The following ITSN2 variants were observed in gnomAD, a reference collection of about 807,000 sequenced individuals.
ITSN2 encodes intersectin 2.
ITSN2 carries 156 observed loss-of-function variants against 243.7 expected under a neutral mutation model. The observed-to-expected ratio is 0.64, with a 90% CI of 0.56 to 0.73. ITSN2 has a LOEUF of 0.73. ITSN2 is among the 30% of genes least tolerant of loss of function. The pLI is 0.00. For synonymous variants in ITSN2, 703 were observed against 699.9 expected (o/e 1.00, Z -0.07); for missense variants, 1,801 against 1,996.1 (o/e 0.90, Z 1.86).
intron 1 of ITSN2, chr2:24,330,260 A>C (rs1243573135): frequency 2.8e-6 from 1 of 358,154 alleles, no homozygotes; most frequent in Non-Finnish European, 5.4e-6. Context: ...GTTCGTCATC[A>C]CGTATTCTGT....
intron 1 of ITSN2, among the ~76,000 whole-genome samples, chr2:24,349,959 T>C (rs1257286236): frequency 6.6e-6 from 1 of 152,204 alleles, no homozygotes; most frequent in Non-Finnish European, 1.5e-5. Context: ...TGGGCATGCA[T>C]AGTACTAATT....
chr2:24,334,425 A>G (rs951476904), intron 1 of ITSN2: 13 of 473,370 alleles, frequency 2.7e-5, no homozygotes, highest in South Asian at 2.3e-4. Context: ...CCCTTGGCCC[A>G]GCCAAGGTTA....
chr2:24,216,424 G>A (rs1669958690), intron 31 of ITSN2, 192 bp from the exon 32 acceptor site: 3 of 443,476 alleles, frequency 6.8e-6, no homozygotes, highest in South Asian at 1.3e-4. Context: ...CAACCGGGGT[G>A]TGATGTCAGC....
Position 24,257,988 on chromosome 2 carries a change from G to C in ITSN2, c.2788C>G (p.Gln930Glu). ...TCCCCAAACCACCAATTTTCTTGCT[G>C]CTCCAAGACAGTAATAATGTCATGT... ...SKHDIITVLE[Q>E]QENWWFGEVH... Residue 930 changes from glutamine (Q) to glutamate (E), a missense_variant, in exon 23 of 40, where the codon CAG becomes GAG. By Grantham distance (29) the Gln-to-Glu change is conservative. This residue lies in a region of ITSN2 where 928 missense variants were observed against 1,065.4 expected (regional missense o/e 0.87). Transcript: ENST00000355123. 6.2e-7 allele frequency: 1 copy of C among 1,613,906 alleles called. No homozygotes were observed. The highest frequency in any genetic ancestry group is 8.5e-7 in the Non-Finnish European group (1 of 1,179,864).
At chr2:24,341,676 C>G (rs913836430) in intron 1 of ITSN2, among the ~76,000 whole-genome samples, 32 of 151,988 alleles carry the variant, frequency 2.1e-4, no homozygotes, top group Non-Finnish European at 4.4e-5. Flanking sequence ...GTCAGGAGAC[C>G]GGTCTCACGG....
At chr2:24,333,058 T>C (rs1025617817) in intron 1 of ITSN2, among the ~76,000 whole-genome samples, 32 of 152,224 alleles carry the variant, frequency 2.1e-4, no homozygotes, top group Non-Finnish European at 1.5e-4. Context: ...CAGATGATAC[T>C]GTACTCATTT....
chr2:24,332,804 G>C (rs952636984), intron 1 of ITSN2, among the ~76,000 whole-genome samples: 3 of 152,068 alleles, frequency 2.0e-5, no homozygotes, highest in Admixed American at 1.3e-4. Flanking sequence ...CAAAAACTTT[G>C]TTTTACATTT....
intron 2 of ITSN2, among the ~76,000 whole-genome samples, chr2:24,319,810 C>T (rs867741757): frequency 6.6e-6 from 1 of 152,218 alleles, no homozygotes; most frequent in African/African-American, 2.4e-5. Flanking sequence ...AACCCATGCA[C>T]ACCCTTGATC....
In ITSN2 at chr2:24,204,022, G is replaced by A. The variant is rs576220526; in HGVS notation, c.4936+223C>T. On this transcript the variant is annotated intron_variant, in intron 39 of 39. Coordinates refer to ENST00000355123, the MANE Select transcript of ITSN2 (RefSeq NM_006277.3). This position sits in a 1 kb window ranked among gnomAD's most constrained non-coding sequence, Gnocchi z 5.1. ...AGAATGCTCCAGGAGTGGTGTTCAC[G>A]TCGTGTGTGTAGGGAGTGATGGGTC... 1.1e-5 allele frequency: 7 copies of A among 629,894 alleles called. No homozygotes were observed. The highest frequency in any genetic ancestry group is 1.1e-4 in the East Asian group (4 of 36,334). The allele number at this position is 629,894 out of a possible 1,614,324, so 39.0% of individuals were successfully genotyped here. A position where few individuals can be genotyped will look rare whatever the true frequency, so the allele number is the denominator to read the frequency against.
intron 29 of ITSN2, chr2:24,241,789 A>T (rs1019578021): frequency 6.6e-6 from 1 of 152,662 alleles, no homozygotes; most frequent in Non-Finnish European, 1.5e-5. Context: ...GTAAATGAAT[A>T]CACATGTTGC....
rs1319962279 is a variant in ITSN2 at position 24,344,864 on chromosome 2, A to C, written c.-34+15440T>G. On this transcript the variant is annotated intron_variant, in intron 1 of 39. Transcript: ENST00000355123. ...CTACGCAGGAAGCTAAGGCAGGACAATCGCTTGAATCTGAGAGGCAGAGGT... is the reference window on the plus strand; with the variant it reads ...CTACGCAGGAAGCTAAGGCAGGACACTCGCTTGAATCTGAGAGGCAGAGGT... Among the ~76,000 whole-genome samples the C allele has an allele frequency of 2.0e-5, 3 of 152,230 alleles. No homozygotes were observed. The South Asian group carries it at 6.2e-4, about 31-fold the overall frequency.
chr2:24,323,668 C>G (rs953897491), intron 2 of ITSN2, among the ~76,000 whole-genome samples: 1 of 152,074 alleles, frequency 6.6e-6, no homozygotes, highest in Non-Finnish European at 1.5e-5. Context: ...AGAAACTCAT[C>G]GAACCGTATA....
At chr2:24,238,499 C>A (rs916948196) in intron 29 of ITSN2, among the ~76,000 whole-genome samples, 8 of 152,184 alleles carry the variant, frequency 5.3e-5, no homozygotes, top group Non-Finnish European at 7.3e-5. Flanking sequence ...AACTTTGATA[C>A]CTCCAAGCAT....
Position 24,238,580 on chromosome 2 carries a change from T to C in ITSN2, c.3577+7549A>G, listed in dbSNP as rs527300588. Among the ~76,000 whole-genome samples the C allele has an allele frequency of 1.6e-3, 239 of 152,314 alleles. 2 individuals carry two copies. Among genetic ancestry groups the C allele is most frequent in the African/African-American group, 4.8e-3 (201 of 41,594 alleles). On this transcript the variant is annotated intron_variant, in intron 29 of 39. Transcript: ENST00000355123. ...CTTACTCTACATTTGCAATGAGTAT[T>C]AATTTGTAAGTTCCATCCAATCTTT... is the stretch of plus-strand genomic sequence containing the variant.
At chr2:24,301,387 C>T in intron 10 of ITSN2, 148 bp from the exon 11 acceptor site, 1 of 485,328 alleles carries the variant, frequency 2.1e-6, no homozygotes, top group Non-Finnish European at 3.7e-6. Flanking sequence ...TTACAAAATA[C>T]AGTAGTATAT....
At chr2:24,268,954 G>A (rs1044901266) in intron 20 of ITSN2, among the ~76,000 whole-genome samples, 1 of 151,956 alleles carries the variant, frequency 6.6e-6, no homozygotes, top group African/African-American at 2.4e-5. Flanking sequence ...CTGTCCTCAA[G>A]TTAACAACAC....
intron 29 of ITSN2, among the ~76,000 whole-genome samples, chr2:24,235,458 C>T (rs1406688372): frequency 6.6e-6 from 1 of 152,110 alleles, no homozygotes; most frequent in African/African-American, 2.4e-5. Context: ...AGCACCAAGA[C>T]TGAACCCTAA....
chr2:24,250,569 A>T (rs886749417), intron 25 of ITSN2, among the ~76,000 whole-genome samples: 2 of 152,202 alleles, frequency 1.3e-5, no homozygotes, highest in African/African-American at 4.8e-5. Context: ...ATAAACAACA[A>T]ATAATGTTAT....
chr2:24,276,346 T>C (rs1678014049), intron 17 of ITSN2, among the ~76,000 whole-genome samples: 1 of 152,198 alleles, frequency 6.6e-6, no homozygotes, highest in African/African-American at 2.4e-5. Context: ...ATGACCACCA[T>C]GAGCCAAAAT....
Sources: allele counts gnomAD v4.1 joint callset (sites outside exome capture counted in the v4.1 genomes callset), GRCh38; gene constraint gnomAD v4.1.1; regional missense constraint gnomAD v4.1.1; non-coding constraint Gnocchi (gnomAD v3.1); transcripts MANE v1.5; gene names NCBI Gene and HGNC (gene_info 2026-07-23, HGNC 2026-07-21).